Variants in CNTNAP5 observed in about 807,000 individuals in gnomAD.
CNTNAP5 encodes the protein contactin-associated protein-like 5.
A neutral mutation model predicts 150.2 loss-of-function variants in CNTNAP5; 72 were observed. The ratio of observed to expected loss-of-function variants is 0.48; its 90% CI spans 0.40 to 0.58. The LOEUF (loss-of-function observed/expected upper bound fraction) is 0.58. Among genes scored for constraint, CNTNAP5 ranks in the 20% least tolerant of loss-of-function variants. CNTNAP5 has a pLI of 0.00. For missense variants in CNTNAP5, 1,636 were observed against 1,626.2 expected, an observed-to-expected ratio of 1.01 and a Z score of -0.10; for synonymous variants, 672 against 619.8, an observed-to-expected ratio of 1.08 and a Z score of -1.25.
At chr2:124,339,947 TA>T (rs971730878) in intron 3 of CNTNAP5, among the ~76,000 whole-genome samples, 8 of 149,230 alleles carry the variant, frequency 5.4e-5, no homozygotes, top group East Asian at 2.0e-4. Flanking sequence ...AAAAACATCT[TA>T]AAAAAAAAAC....
At position 124,025,365 on chromosome 2, in the gene CNTNAP5, A is replaced by G; in HGVS notation, c.-286A>G. The G allele has an allele frequency of 4.4e-6, 2 of 451,466 alleles. No individual in the cohort carries two copies. The highest frequency in any genetic ancestry group is 4.9e-5 in the South Asian group (2 of 40,796). 28.0% of individuals were successfully genotyped at this position (451,466 alleles called of 1,614,324 possible). A position where few individuals can be genotyped will look rare whatever the true frequency, so the allele number is the denominator to read the frequency against. On this transcript the variant is annotated 5_prime_UTR_variant, in exon 1 of 24. Coordinates refer to ENST00000682447, the MANE Select transcript of CNTNAP5 (RefSeq NM_001367498.1). ...CGCCTGTCGTTCTAATTGGGTTTGG[A>G]TTTGCACCGTTAAGGAGGGGGGAAG...
chr2:124,597,660 C>T (rs1196393628), intron 11 of CNTNAP5, among the ~76,000 whole-genome samples: 3 of 149,928 alleles, frequency 2.0e-5, no homozygotes. Flanking sequence ...TTGTGGCGTT[C>T]TCTGTATTTC....
chr2:124,341,981 C>G (rs779951296), intron 3 of CNTNAP5, among the ~76,000 whole-genome samples: 4 of 152,118 alleles, frequency 2.6e-5, no homozygotes, highest in Non-Finnish European at 4.4e-5. Flanking sequence ...TTTGGAGACT[C>G]ATAACCAGGT....
intron 3 of CNTNAP5, among the ~76,000 whole-genome samples, chr2:124,378,871 G>A (rs77006639): frequency 3.3e-5 from 5 of 152,160 alleles, no homozygotes; most frequent in Non-Finnish European, 7.3e-5. Context: ...AACTTTCTAT[G>A]TGAGAACAAC....
intron 21 of CNTNAP5, among the ~76,000 whole-genome samples, chr2:124,878,865 T>C (rs944702595): frequency 6.6e-6 from 1 of 151,834 alleles, no homozygotes; most frequent in Admixed American, 6.6e-5. Context: ...GTATTTTTAG[T>C]AGAGATGGGG....
intron 1 of CNTNAP5, among the ~76,000 whole-genome samples, chr2:124,084,677 T>C (rs1217090140): frequency 4.6e-5 from 7 of 152,134 alleles, no homozygotes; most frequent in African/African-American, 1.7e-4. Context: ...TATATGTGTT[T>C]ACATATACTT....
intron 8 of CNTNAP5, among the ~76,000 whole-genome samples, chr2:124,508,998 A>G (rs1232476297): frequency 2.0e-5 from 3 of 152,218 alleles, no homozygotes; most frequent in Non-Finnish European, 4.4e-5. Flanking sequence ...TTGAGAGTCA[A>G]CGGGGCTATA....
chr2:124,137,084 C>G (rs970252853), intron 1 of CNTNAP5, among the ~76,000 whole-genome samples: 17 of 152,214 alleles, frequency 1.1e-4, no homozygotes, highest in African/African-American at 3.9e-4. Flanking sequence ...TGTGCTCATG[C>G]CTGTCTTCTC....
At chr2:124,500,773 T>C (rs1694260484) in intron 7 of CNTNAP5, among the ~76,000 whole-genome samples, 1 of 152,148 alleles carries the variant, frequency 6.6e-6, no homozygotes. Flanking sequence ...ACATCTTGGC[T>C]GTTCGAGAAG....
At chr2:124,659,364 A>G (rs1376706056) in intron 13 of CNTNAP5, among the ~76,000 whole-genome samples, 3 of 152,192 alleles carry the variant, frequency 2.0e-5, no homozygotes, top group African/African-American at 7.2e-5. Flanking sequence ...GAAGATATGA[A>G]GCTTCCTAAA....
chr2:124,357,646 G>A (rs1690054173), intron 3 of CNTNAP5, among the ~76,000 whole-genome samples: 1 of 140,012 alleles, frequency 7.1e-6, no homozygotes, highest in Non-Finnish European at 1.6e-5. Context: ...TGAGGGCTCT[G>A]TTCTGTTCCA....
At chr2:124,755,848 T>C (rs796289058) in intron 14 of CNTNAP5, among the ~76,000 whole-genome samples, 22 of 152,336 alleles carry the variant, frequency 1.4e-4, no homozygotes, top group African/African-American at 4.8e-4. Flanking sequence ...TTTCTGGATA[T>C]AAAATGTAAT....
chr2:124,138,350 C>T (rs1684026189), intron 1 of CNTNAP5, among the ~76,000 whole-genome samples: 2 of 152,330 alleles, frequency 1.3e-5, no homozygotes, highest in South Asian at 4.1e-4. Context: ...TCCTAAGGAA[C>T]TGTTATCAAT....
At chr2:124,500,961 G>C (rs55788372) in intron 7 of CNTNAP5, among the ~76,000 whole-genome samples, 3 of 152,066 alleles carry the variant, frequency 2.0e-5, no homozygotes, top group Non-Finnish European at 2.9e-5. Context: ...TGGAGCTTTG[G>C]GGGTGTGGTA....
intron 22 of CNTNAP5, 68 bp downstream of exon 22, chr2:124,903,168 TC>T: frequency 9.5e-7 from 1 of 1,052,068 alleles, no homozygotes; most frequent in Non-Finnish European, 1.3e-6. Flanking sequence ...TCAAGAAGCT[TC>T]CAGATTAAAG....
At chr2:124,589,559 C>T (rs565833492) in intron 11 of CNTNAP5, among the ~76,000 whole-genome samples, 3 of 152,226 alleles carry the variant, frequency 2.0e-5, no homozygotes, top group African/African-American at 4.8e-5. Context: ...CTGACTTAAC[C>T]TCCTGCCTCC....
chr2:124,553,090 A>G (rs1695666163), intron 10 of CNTNAP5, among the ~76,000 whole-genome samples: 1 of 152,234 alleles, frequency 6.6e-6, no homozygotes, highest in Admixed American at 6.5e-5. Context: ...ATATAAGTTA[A>G]GTTTTTAAAA....
intron 1 of CNTNAP5, among the ~76,000 whole-genome samples, chr2:124,125,779 A>C (rs1355598228): frequency 1.3e-5 from 2 of 152,210 alleles, no homozygotes; most frequent in Non-Finnish European, 2.9e-5. Context: ...CCGCTCAACT[A>C]TATGGAAACT....
At chr2:124,240,504 C>T (rs779992) in intron 2 of CNTNAP5, among the ~76,000 whole-genome samples, 59,587 of 151,930 alleles carry the variant, frequency 0.39, 11,950 homozygotes, top group East Asian at 0.6. Flanking sequence ...TGCAATTCTA[C>T]TACCAAAGAA....
Sources: allele counts gnomAD v4.1 joint callset (sites outside exome capture counted in the v4.1 genomes callset), GRCh38; gene constraint gnomAD v4.1.1; transcripts MANE v1.5; gene names NCBI Gene and HGNC (gene_info 2026-07-23, HGNC 2026-07-21).